Variants in PRKACA observed in about 807,000 individuals in gnomAD.
PRKACA encodes the protein cAMP-dependent protein kinase catalytic subunit alpha.
Under a neutral mutation model 45.8 loss-of-function variants are expected in PRKACA, and 9 were observed. The observed-to-expected ratio is 0.20, with a 90% CI of 0.12 to 0.34. The LOEUF is 0.34. Ranked by LOEUF, PRKACA falls within the 10% of genes least tolerant of loss-of-function variation. PRKACA has a pLI of 1.00. For missense variants in PRKACA, 238 were observed against 458.6 expected (o/e 0.52, Z 4.39); for synonymous variants, 160 against 178.6 (o/e 0.90, Z 0.83).
At position 14,097,372 on chromosome 19, in the gene PRKACA, C is replaced by T. The variant is rs760535486; in HGVS notation, c.754G>A (p.Val252Ile). Residue 252 changes from valine (V) to isoleucine (I), a missense_variant, in exon 8 of 10, where the codon GTC becomes ATC. Around this residue, in one of 3 missense-constraint regions of PRKACA, gnomAD observed 94 missense variants for 240.9 expected, o/e 0.39. Coordinates refer to ENST00000308677, the MANE Select transcript of PRKACA (RefSeq NM_002730.4). This position sits in a 1 kb window ranked among gnomAD's most constrained non-coding sequence, Gnocchi z 5.4. ...CATCCGGACCTCACCTTCCCAGAGA[C>T]GATCTTCTCATAGATCTGGATGGGC... ...DQPIQIYEKI[V>I]SGKVRFPSHF... 7 of 1,614,010 alleles carry T rather than the reference C, an allele frequency of 4.3e-6. No homozygotes were observed. Among genetic ancestry groups the T allele is most frequent in the African/African-American group, 1.3e-5 (1 of 74,904 alleles).
At position 14,093,090 on chromosome 19, in the gene PRKACA, C is replaced by T; in HGVS notation, c.*22G>A. ...AAAAAGAAAAAAGAAAAAAGAAAAC[C>T]CATGGGGGCACAGGCATGCCCCTAA... is the stretch of plus-strand genomic sequence containing the variant. On this transcript the variant is annotated 3_prime_UTR_variant, in exon 10 of 10. Transcript: ENST00000308677. 8.0e-7 allele frequency: 1 copy of T among 1,248,382 alleles called. No homozygotes were observed. 77.3% of individuals were successfully genotyped at this position (1,248,382 alleles called of 1,614,324 possible). A position where few individuals can be genotyped will look rare whatever the true frequency, so the allele number is the denominator to read the frequency against.
At position 14,097,304 on chromosome 19, in the gene PRKACA, G is replaced by A; in HGVS notation, c.765+57C>T. 6.2e-7 allele frequency: 1 copy of A among 1,611,094 alleles called. No homozygotes were observed. Among genetic ancestry groups the A allele is most frequent in the African/African-American group, 1.3e-5 (1 of 74,998 alleles). On this transcript the variant is annotated intron_variant, in intron 8 of 9. Transcript: ENST00000308677. This position sits in a 1 kb window ranked among gnomAD's most constrained non-coding sequence, Gnocchi z 5.4. ...GCAGGGCTCCCCAGGGAATAGGATG[G>A]GTGAGCAGGGAACGGTCTGTTTCTT...
chr19:14,106,474 C>T (rs1297146844), intron 3 of PRKACA, among the ~76,000 whole-genome samples: 2 of 151,942 alleles, frequency 1.3e-5, no homozygotes, highest in African/African-American at 2.4e-5. Flanking sequence ...GCCAACATGG[C>T]GAAAACCCAT....
chr19:14,102,418 T>TGGGG (rs1977471776), intron 4 of PRKACA, among the ~76,000 whole-genome samples: 1 of 152,132 alleles, frequency 6.6e-6, no homozygotes, highest in African/African-American at 2.4e-5. Context: ...ATCCCCATTT[T>TGGGG]ACCATGAGAA....
chr19:14,095,752 G>T (rs189141939), intron 8 of PRKACA, among the ~76,000 whole-genome samples: 4 of 151,962 alleles, frequency 2.6e-5, no homozygotes, highest in Admixed American at 2.6e-4. Context: ...TCCTGACCTC[G>T]TGATCCACCT....
In PRKACA at chr19:14,097,427, G is replaced by A. The variant is rs996572658; in HGVS notation, c.699C>T (p.Ala233=). 1.4e-5 allele frequency: 23 copies of A among 1,613,946 alleles called. No individual in the cohort carries two copies. The highest frequency in any genetic ancestry group is 1.7e-5 in the Non-Finnish European group (20 of 1,180,036). The change falls in exon 8 of 10, where the codon GCC becomes GCT. Residue 233 remains alanine, a synonymous_variant. Transcript: ENST00000308677. This position sits in a 1 kb window ranked among gnomAD's most constrained non-coding sequence, Gnocchi z 5.4. ...CTGCGAAGAAGGGCGGGTAGCCAGCGGCCATTTCATAGATAAGAACCCCCA... is the reference window on the plus strand; with the variant it reads ...CTGCGAAGAAGGGCGGGTAGCCAGCAGCCATTTCATAGATAAGAACCCCCA... The part of the protein sequence containing the change: ...WALGVLIYEM[A]AGYPPFFADQ...
At chr19:14,108,972 C>T (rs1158558954) in intron 1 of PRKACA, among the ~76,000 whole-genome samples, 2 of 150,276 alleles carry the variant, frequency 1.3e-5, no homozygotes, top group Non-Finnish European at 3.0e-5. Context: ...AGGTGATCTG[C>T]CCACCTTGGC....
At chr19:14,109,999 T>TACATACACACACACACACAC (rs1966920581) in intron 1 of PRKACA, among the ~76,000 whole-genome samples, 31 of 55,464 alleles carry the variant, frequency 5.6e-4, no homozygotes, top group African/African-American at 3.2e-3. Flanking sequence ...TATATATATA[T>TACATACACACACACACACAC]ACACACACAC....
intron 1 of PRKACA, among the ~76,000 whole-genome samples, chr19:14,110,075 C>A (rs1389652075): frequency 7.0e-6 from 1 of 143,632 alleles, no homozygotes; most frequent in Non-Finnish European, 1.5e-5. Flanking sequence ...TTTAGAAGGC[C>A]GAGGTTGGAG....
At chr19:14,114,303 C>T in intron 1 of PRKACA, 6 of 1,039,320 alleles carry the variant, frequency 5.8e-6, no homozygotes, top group Non-Finnish European at 8.6e-6. Flanking sequence ...AGAAACCCAA[C>T]CCAGAGGCCA....
Position 14,097,981 on chromosome 19 carries a change from C to A in PRKACA, c.420-91G>T. ...CTGCAGAGCCTACCCCAGAGGAAGA[C>A]ACCTCCAGTCCAGCCGTCAGAAACG... On this transcript the variant is annotated intron_variant, in intron 5 of 9. Transcript: ENST00000308677. This position sits in a 1 kb window ranked among gnomAD's most constrained non-coding sequence, Gnocchi z 5.4. 2 of 1,518,382 alleles carry A rather than the reference C, an allele frequency of 1.3e-6. No homozygotes were observed. 94.1% of individuals were successfully genotyped at this position (1,518,382 alleles called of 1,614,324 possible). A position where few individuals can be genotyped will look rare whatever the true frequency, so the allele number is the denominator to read the frequency against.
chr19:14,104,962 T>C (rs1010018130), intron 3 of PRKACA, among the ~76,000 whole-genome samples: 27 of 152,204 alleles, frequency 1.8e-4, no homozygotes, highest in Non-Finnish European at 3.5e-4. Context: ...AACTTGGGCA[T>C]GTGAATCTGC....
At chr19:14,117,272 T>TG (rs1267583553) in intron 1 of PRKACA, among the ~76,000 whole-genome samples, 5 of 118,162 alleles carry the variant, frequency 4.2e-5, no homozygotes, top group Non-Finnish European at 7.0e-5. Flanking sequence ...CAGTGACAGC[T>TG]GGGGGGGAGC....
intron 1 of PRKACA, among the ~76,000 whole-genome samples, chr19:14,111,392 T>C (rs909462205): frequency 6.7e-6 from 1 of 149,340 alleles, no homozygotes. Context: ...AGTGAAACTC[T>C]GTCTCAAAAA....
chr19:14,114,607 C>T (rs1159647970), intron 1 of PRKACA, among the ~76,000 whole-genome samples: 2 of 152,068 alleles, frequency 1.3e-5, no homozygotes, highest in Non-Finnish European at 2.9e-5. Context: ...CCAGGGGTAT[C>T]TTCAGCCAGT....
Position 14,097,611 on chromosome 19 carries a change from CAG to C in PRKACA, c.608_609del (p.Pro203ArgfsTer6). ...KGRTWTLCGT[P>X]EYLAPEIILS... is the part of the protein sequence containing the mutation. ...AGGATAATCTCAGGGGCCAGGTACT[CAG>C]GGGTGCCGCACAAGGTCCAAGTGCG... On this transcript the variant is annotated frameshift_variant, in exon 7 of 10. Transcript: ENST00000308677. LOFTEE classifies it high-confidence loss of function. This position sits in a 1 kb window ranked among gnomAD's most constrained non-coding sequence, Gnocchi z 5.4. 1 of 1,613,006 alleles carries C rather than the reference CAG, an allele frequency of 6.2e-7. No homozygotes were observed. The highest frequency in any genetic ancestry group is 1.7e-5 in the Admixed American group (1 of 59,914).
At chr19:14,099,052 C>G (rs529565348) in intron 5 of PRKACA, among the ~76,000 whole-genome samples, 1 of 151,696 alleles carries the variant, frequency 6.6e-6, no homozygotes, top group East Asian at 2.0e-4. Flanking sequence ...CTTGAGAGGC[C>G]AAGGCGGGGG....
chr19:14,094,284 G>C lies in PRKACA; in HGVS notation c.766-492C>G, dbSNP rs537847064. Reference sequence around the variant, plus strand: ...GCTCACTGCAACCTCCGCCTCCTGGGTTCAAGGAATTCTCCTGTCTCAGCC... The same window carrying C: ...GCTCACTGCAACCTCCGCCTCCTGGCTTCAAGGAATTCTCCTGTCTCAGCC... On this transcript the variant is annotated intron_variant, in intron 8 of 9. Coordinates refer to ENST00000308677, the MANE Select transcript of PRKACA (RefSeq NM_002730.4). 7.9e-5 allele frequency among the ~76,000 whole-genome samples: 12 copies of C among 151,852 alleles called. No homozygotes were observed. In the South Asian group the frequency reaches 2.5e-3, roughly 32 times the overall value.
intron 3 of PRKACA, among the ~76,000 whole-genome samples, chr19:14,105,282 C>T (rs962343950): frequency 3.9e-5 from 6 of 151,996 alleles, no homozygotes; most frequent in Non-Finnish European, 8.8e-5. Context: ...AAGGCTGAGG[C>T]GGGCGGATTA....
Sources: allele counts gnomAD v4.1 joint callset (sites outside exome capture counted in the v4.1 genomes callset), GRCh38; gene constraint gnomAD v4.1.1; regional missense constraint gnomAD v4.1.1; non-coding constraint Gnocchi (gnomAD v3.1); transcripts MANE v1.5; gene names NCBI Gene and HGNC (gene_info 2026-07-23, HGNC 2026-07-21).